TTN: variants seen among roughly 807,000 people sequenced by gnomAD.
TTN encodes titin, also known as connectin.
Under a neutral mutation model 3,223.0 loss-of-function variants are expected in TTN, and 1,525 were observed. The observed-to-expected ratio is 0.47, with a 90% CI of 0.45 to 0.49. TTN has a LOEUF of 0.49. TTN is among the 20% of genes least tolerant of loss of function. TTN has a pLI of 0.00. For missense variants in TTN, 40,786 were observed against 43,424.0 expected (o/e 0.94, Z 5.40); for synonymous variants, 14,094 against 15,161.0 (o/e 0.93, Z 5.17).
rs1376088246 is a variant in TTN at position 178,731,039 on chromosome 2, T to C, written c.17626A>G (p.Thr5876Ala). Residue 5876 changes from threonine to alanine, a missense_variant, in exon 60 of 363, where the codon ACA becomes GCA. Thr to Ala is a moderately conservative substitution (Grantham distance 58). Coordinates refer to ENST00000589042, the MANE Select transcript of TTN (RefSeq NM_001267550.2). ...GAAATAATCTTCAGTATTGAGACTGTATCAGTGACACTGATTTTATATTTT... is the reference window on the plus strand; with the variant it reads ...GAAATAATCTTCAGTATTGAGACTGCATCAGTGACACTGATTTTATATTTT... ...GSKYKISVTD[T>A]VSILKIISTE... 1.2e-6 allele frequency: 2 copies of C among 1,613,722 alleles called. No individual in the cohort carries two copies. The highest frequency in any genetic ancestry group is 1.7e-6 in the Non-Finnish European group (2 of 1,179,702).
In TTN at chr2:178,615,469, G is replaced by C. The variant is rs1238178074; in HGVS notation, c.48476C>G (p.Pro16159Arg). 6.2e-7 allele frequency: 1 copy of C among 1,611,972 alleles called. No individual in the cohort carries two copies. Among genetic ancestry groups the C allele is most frequent in the Non-Finnish European group, 8.5e-7 (1 of 1,178,676 alleles). The change falls in exon 259 of 363, where the codon CCA (proline) becomes CGA (arginine). Residue 16159 changes from proline (P) to arginine (R), a missense_variant. Physicochemically the swap from Pro to Arg is moderately radical, Grantham distance 103 (BLOSUM62 -2). Coordinates refer to ENST00000589042, the MANE Select transcript of TTN (RefSeq NM_001267550.2). ...MSTPATVPDP[P>R]ENVKWRDRTA... ...TCGATCTCTCCATTTAACATTCTCT[G>C]GTGGGTCAGGTACCGCTACAACATT...
rs774885269 is a variant in TTN at position 178,707,548 on chromosome 2, G to C, written c.29019C>G (p.Thr9673=). 1.9e-6 allele frequency: 3 copies of C among 1,613,200 alleles called. No individual in the cohort carries two copies. The African/African-American group carries it at 4.0e-5, about 22-fold the overall frequency. ...KASNVAGSDT[T]KSKVTIKDKP... ...TACCTTTAATGGTCACTTTTGATTT[G>C]GTAGTGTCACTTCCAGCCACATTTG... Residue 9673 remains threonine (T), a synonymous_variant, in exon 100 of 363, where the codon ACC becomes ACG. Transcript: ENST00000589042.
intron 65 of TTN, 43 bp downstream of exon 65, chr2:178,728,848 A>G (rs765889647): frequency 1.3e-6 from 2 of 1,571,930 alleles, no homozygotes; most frequent in African/African-American, 1.4e-5. Flanking sequence ...TGCTAATGAA[A>G]CTGTCGCTAT....
chr2:178,778,770 C>G, intron 24 of TTN, 104 bp downstream of exon 24: 1 of 1,516,914 alleles, frequency 6.6e-7, no homozygotes. Flanking sequence ...GTTTCTGTGC[C>G]ATTTTAGCCC....
intron 213 of TTN, among the ~76,000 whole-genome samples, chr2:178,648,901 G>T (rs1379847455): frequency 6.6e-6 from 1 of 152,050 alleles, no homozygotes; most frequent in Non-Finnish European, 1.5e-5. Flanking sequence ...CCTCTCACCA[G>T]ATTTAACTTA....
rs1703002241 is a variant in TTN, at chr2:178,559,884, C to G, written c.86248G>C (p.Glu28750Gln). 6.2e-7 allele frequency: 1 copy of G among 1,612,918 alleles called. No individual in the cohort carries two copies. The highest frequency in any genetic ancestry group is 8.5e-7 in the Non-Finnish European group (1 of 1,179,730). Reference sequence around the variant, plus strand: ...CTGTCAATATCAAATAAAGGTTCTTCTTCTCTTTCCTTTGCTATCTGAGGG... The same window carrying G: ...CTGTCAATATCAAATAAAGGTTCTTGTTCTCTTTCCTTTGCTATCTGAGGG... ...SDPQIAKERE[E>Q]EPLFDIDSEM... is the part of the protein sequence containing the mutation. Residue 28750 changes from glutamate to glutamine, a missense_variant, in exon 326 of 363, where the codon GAA becomes CAA. Coordinates refer to ENST00000589042, the MANE Select transcript of TTN (RefSeq NM_001267550.2).
At chr2:178,678,936 A>G in intron 142 of TTN, 106 bp from the exon 143 acceptor site, 1 of 899,936 alleles carries the variant, frequency 1.1e-6, no homozygotes. Context: ...TATTCTATCA[A>G]TTTCACTTTA....
rs1706073598 is a variant in TTN at position 178,566,889 on chromosome 2, C to T, written c.79243G>A (p.Gly26415Arg). ...VCWNRPDSDG[G>R]SEIIGYIVEK... ...ACAATGTAACCAATAATCTCACTTC[C>T]ACCATCACTATCTGGACGGTTCCAA... The change falls in exon 326 of 363, where the codon GGA (glycine) becomes AGA (arginine). Residue 26415 changes from glycine to arginine, a missense_variant. Transcript: ENST00000589042. The T allele has an allele frequency of 3.7e-6, 6 of 1,613,400 alleles. No individual in the cohort carries two copies. The Admixed American group carries it at 8.3e-5, about 22-fold the overall frequency.
intron 47 of TTN, 50 bp from the exon 48 acceptor site, chr2:178,741,971 T>TAA: frequency 7.9e-7 from 1 of 1,266,962 alleles, no homozygotes. Flanking sequence ...TTATTTAATA[T>TAA]AAAAATAGAA....
intron 134 of TTN, 68 bp downstream of exon 134, chr2:178,683,143 T>C (rs971104772): frequency 5.3e-6 from 6 of 1,137,352 alleles, no homozygotes; most frequent in African/African-American, 1.5e-5. Context: ...AGGAGTCAGA[T>C]TGGGAACTAG....
chr2:178,774,984 C>A lies in TTN; in HGVS notation c.6727G>T (p.Asp2243Tyr), dbSNP rs138787974. Residue 2243 changes from aspartate (D) to tyrosine (Y), a missense_variant, in exon 29 of 363, where the codon GAT (aspartate) becomes TAT (tyrosine). By Grantham distance (160) the Asp-to-Tyr change is radical. Transcript: ENST00000589042. The stretch of plus-strand genomic sequence containing the variant: ...TCTTCCACAAGTACACAGCTGTAAT[C>A]TTCAGCATCAGACGTATCAATGGTC... ...ILTIDTSDAE[D>Y]YSCVLVEDEN... is the part of the protein sequence containing the mutation. 1.4e-3 allele frequency: 2,253 copies of A among 1,613,566 alleles called. 34 individuals are homozygous for A. The African/African-American group carries it at 0.027, about 19-fold the overall frequency.
chr2:178,619,422 G>A, intron 250 of TTN, 199 bp downstream of exon 250: 1 of 624,056 alleles, frequency 1.6e-6, no homozygotes, highest in Non-Finnish European at 2.7e-6. Flanking sequence ...CAAGGCTCTG[G>A]CATGTAAAGA....
At position 178,546,083 on chromosome 2, in the gene TTN, C is replaced by A. The variant is rs758006837; in HGVS notation, c.95153G>T (p.Ser31718Ile). Reference protein sequence around the residue: ...SPGPCGKLTVSRVTQEKCTLA... With the variant: ...SPGPCGKLTVIRVTQEKCTLA... ...AGTGCACTTCTCCTGTGTTACTCTG[C>A]TGACGGTGAGCTTTCCACATGGGCC... Residue 31718 changes from serine (S) to isoleucine (I), a missense_variant, in exon 343 of 363, where the codon AGC (serine) becomes ATC (isoleucine). Transcript: ENST00000589042. 8.7e-5 allele frequency: 141 copies of A among 1,611,446 alleles called. No individual in the cohort carries two copies. The highest frequency in any genetic ancestry group is 1.1e-4 in the Non-Finnish European group (130 of 1,178,224).
chr2:178,696,176 A>G lies in TTN; in HGVS notation c.30896T>C (p.Val10299Ala). The G allele has an allele frequency of 6.4e-7, 1 of 1,558,560 alleles. No homozygotes were observed. The highest frequency in any genetic ancestry group is 8.7e-7 in the Non-Finnish European group (1 of 1,149,850). The change falls in exon 114 of 363, where the codon GTG (valine) becomes GCG (alanine). Residue 10299 changes from valine to alanine, a missense_variant. Physicochemically the swap from Val to Ala is moderately conservative, Grantham distance 64 (BLOSUM62 0). Transcript: ENST00000589042. ...KKEVQKEKEA[V>A]YEKKQAVHKE... ...GTGGACTGCTTGCTTTTTCTCATAC[A>G]CAGCTTCTTTTTCTTTCTGAACCTC...
chr2:178,584,230 C>T (rs1264222030), intron 311 of TTN, 46 bp downstream of exon 311: 2 of 1,516,676 alleles, frequency 1.3e-6, no homozygotes, highest in Admixed American at 2.2e-5. Flanking sequence ...AATGTGCCTC[C>T]ATAATACTAA....
chr2:178,602,388 A>T lies in TTN; in HGVS notation c.55014T>A (p.Asn18338Lys). 6.2e-7 allele frequency: 1 copy of T among 1,612,818 alleles called. No individual in the cohort carries two copies. Among genetic ancestry groups the T allele is most frequent in the Non-Finnish European group, 8.5e-7 (1 of 1,179,284 alleles). ...LITTCECVVP[N>K]LKELRKYRFR... is the part of the protein sequence containing the mutation. ...ATCTGTACTTCCTGAGCTCTTTCAG[A>T]TTAGGCACCACACATTCACAGGTAG... The change falls in exon 283 of 363, where the codon AAT (asparagine) becomes AAA (lysine). Residue 18338 changes from asparagine to lysine, a missense_variant. Asn to Lys is a moderately conservative substitution (Grantham distance 94, BLOSUM62 0). Coordinates refer to ENST00000589042, the MANE Select transcript of TTN (RefSeq NM_001267550.2).
rs1382663852 is a variant in TTN at position 178,673,672 on chromosome 2, T to C, written c.34747A>G (p.Thr11583Ala). 1 of 1,593,198 alleles carries C rather than the reference T, an allele frequency of 6.3e-7. No individual in the cohort carries two copies. The highest frequency in any genetic ancestry group is 8.5e-7 in the Non-Finnish European group (1 of 1,171,946). Residue 11583 changes from threonine (T) to alanine (A), a missense_variant, in exon 152 of 363, where the codon ACT (threonine) becomes GCT (alanine). Transcript: ENST00000589042. ...GCCTCCACTTTTTTAGGAACAGGAGTAGGTGCTTCAGGTACTGCTTTCTTA... is the reference window on the plus strand; with the variant it reads ...GCCTCCACTTTTTTAGGAACAGGAGCAGGTGCTTCAGGTACTGCTTTCTTA... ...VIKKAVPEAP[T>A]PVPKKVEAPP...
Position 178,526,084 on chromosome 2 carries a change from G to A in TTN, c.*928C>T, listed in dbSNP as rs935735475. The A allele has an allele frequency of 1.3e-5, 2 of 152,600 alleles. No homozygotes were observed. The highest frequency in any genetic ancestry group is 4.8e-5 in the African/African-American group (2 of 41,442). The allele number at this position is 152,600 out of a possible 1,614,324, so 9.5% of individuals were successfully genotyped here. A position where few individuals can be genotyped will look rare whatever the true frequency, so the allele number is the denominator to read the frequency against. On this transcript the variant is annotated 3_prime_UTR_variant, in exon 363 of 363. Transcript: ENST00000589042. ...AATTGAATTTATACTTGCATGAAAA[G>A]AACTACATCAAATTGACATTTTGGG...
intron 88 of TTN, among the ~76,000 whole-genome samples, chr2:178,716,354 A>T (rs186976229): frequency 6.6e-6 from 1 of 152,282 alleles, no homozygotes. Flanking sequence ...GAAGCAAAAA[A>T]TTCAGGCATA....
Sources: gnomAD v4.1 joint callset for allele counts (sites outside exome capture counted in the v4.1 genomes callset) on GRCh38, gnomAD v4.1.1 for gene constraint, MANE v1.5 for transcripts, NCBI Gene and HGNC (gene_info 2026-07-23, HGNC 2026-07-21) for gene names.